PLCE1: variants seen among roughly 807,000 people sequenced by gnomAD.
PLCE1 encodes 1-phosphatidylinositol 4,5-bisphosphate phosphodiesterase epsilon-1.
In PLCE1, 119 loss-of-function variants were observed where a neutral mutation model predicts 242.8. The ratio of observed to expected loss-of-function variants is 0.49; its 90% CI spans 0.42 to 0.57. PLCE1 has a LOEUF of 0.57. Ranked by LOEUF, PLCE1 falls within the 20% of genes least tolerant of loss-of-function variation. The pLI, the probability that PLCE1 is intolerant of heterozygous loss-of-function variation, is 0.00. For synonymous variants in PLCE1, 945 were observed against 1,017.4 expected (o/e 0.93, Z 1.35); for missense variants, 2,441 against 2,788.8 (o/e 0.88, Z 2.81).
At chr10:94,302,615 C>T (rs2133589642) in intron 24 of PLCE1, among the ~76,000 whole-genome samples, 1 of 152,246 alleles carries the variant, frequency 6.6e-6, no homozygotes, top group South Asian at 2.1e-4. Flanking sequence ...CATTATATGG[C>T]TCAGTAGTTA....
In PLCE1 at chr10:94,329,797, A is replaced by AAC. The variant is rs2054136539; in HGVS notation, c.*1855_*1856insCA. 2 of 150,376 alleles carry AAC rather than the reference A, an allele frequency of 1.3e-5. No individual in the cohort carries two copies. The highest frequency in any genetic ancestry group is 4.9e-5 in the African/African-American group (2 of 41,018). 9.3% of individuals were successfully genotyped at this position (150,376 alleles called of 1,614,324 possible). A position where few individuals can be genotyped will look rare whatever the true frequency, so the allele number is the denominator to read the frequency against. ...GTCTCAAAAAAAAAAAAAAAAAAAA[A>AAC]AAAAAAAAAAAAAACACCATACAGC... On this transcript the variant is annotated 3_prime_UTR_variant, in exon 33 of 33. Transcript: ENST00000371380.
At chr10:94,162,190 T>C (rs533349703) in intron 3 of PLCE1, among the ~76,000 whole-genome samples, 1 of 152,358 alleles carries the variant, frequency 6.6e-6, no homozygotes, top group African/African-American at 2.4e-5. Context: ...TAGGGAGGAT[T>C]CCCTCTTTTC....
chr10:94,243,155 G>A (rs2050564761), intron 7 of PLCE1, among the ~76,000 whole-genome samples: 1 of 152,198 alleles, frequency 6.6e-6, no homozygotes, highest in Non-Finnish European at 1.5e-5. Flanking sequence ...TCACCAGAGA[G>A]AAGTCATGTT....
At chr10:94,009,759 C>T (rs1287954459) in intron 1 of PLCE1, among the ~76,000 whole-genome samples, 1 of 152,240 alleles carries the variant, frequency 6.6e-6, no homozygotes, top group Non-Finnish European at 1.5e-5. Context: ...AACCTTAAAG[C>T]TCCAATATAA....
chr10:94,175,930 A>C (rs2048113021), intron 4 of PLCE1, among the ~76,000 whole-genome samples: 1 of 152,194 alleles, frequency 6.6e-6, no homozygotes. Context: ...TGAATTATAT[A>C]TATGTGCTAC....
intron 1 of PLCE1, among the ~76,000 whole-genome samples, chr10:94,012,350 G>A (rs552265625): frequency 1.3e-5 from 2 of 152,048 alleles, no homozygotes; most frequent in Non-Finnish European, 2.9e-5. Context: ...AGCCAACAGG[G>A]CAAGTCAAGC....
At position 94,031,841 on chromosome 10, in the gene PLCE1, C is replaced by T; in HGVS notation, c.795C>T (p.Cys265=). Residue 265 remains cysteine (C), a synonymous_variant, in exon 2 of 33, where the codon TGC becomes TGT. Coordinates refer to ENST00000371380, the MANE Select transcript of PLCE1 (RefSeq NM_016341.4). ...HCDTLNDKYF[C]FEGSCEKVDM... is the part of the protein sequence containing the mutation. ...ACACCTTGAATGATAAATACTTTTG[C>T]TTTGAAGGCTCTTGTGAGAAGGTTG... 6.2e-7 allele frequency: 1 copy of T among 1,613,766 alleles called. No individual in the cohort carries two copies. The highest frequency in any genetic ancestry group is 1.1e-5 in the South Asian group (1 of 91,072).
chr10:94,164,708 C>T (rs1342016712), intron 3 of PLCE1, among the ~76,000 whole-genome samples: 2 of 152,230 alleles, frequency 1.3e-5, no homozygotes, highest in Admixed American at 6.5e-5. Context: ...GGAGGAGAGG[C>T]ACTCTGAATT....
At chr10:94,065,190 G>A (rs59992236) in intron 2 of PLCE1, among the ~76,000 whole-genome samples, 5,195 of 152,128 alleles carry the variant, frequency 0.034, 284 homozygotes, top group African/African-American at 0.11. Flanking sequence ...CCTGGATTCT[G>A]GACCTTTGTC....
At position 94,234,155 on chromosome 10, in the gene PLCE1, A is replaced by G; in HGVS notation, c.2057A>G (p.Glu686Gly). 6.2e-7 allele frequency: 1 copy of G among 1,614,132 alleles called. No homozygotes were observed. Among genetic ancestry groups the G allele is most frequent in the African/African-American group, 1.3e-5 (1 of 75,058 alleles). ...ATGGCCCAGCATGAGTCCTCTTGTG[A>G]GTACAGAAAGGTGGTGACACGTGCC... Reference protein sequence around the residue: ...DAMAQHESSCEYRKVVTRALH... With the variant: ...DAMAQHESSCGYRKVVTRALH... Residue 686 changes from glutamate to glycine, a missense_variant, in exon 6 of 33, where the codon GAG becomes GGG. Around this residue, in one of 5 missense-constraint regions of PLCE1, gnomAD observed 733 missense variants for 754.2 expected, o/e 0.97. Coordinates refer to ENST00000371380, the MANE Select transcript of PLCE1 (RefSeq NM_016341.4).
intron 13 of PLCE1, 113 bp downstream of exon 13, chr10:94,259,263 G>A: frequency 1.9e-6 from 2 of 1,060,560 alleles, no homozygotes; most frequent in Non-Finnish European, 2.9e-6. Flanking sequence ...TATTACTGCT[G>A]TGTAGGGAAA....
intron 2 of PLCE1, among the ~76,000 whole-genome samples, chr10:94,090,540 AGGTGC>A (rs1305290601): frequency 1.3e-5 from 2 of 152,150 alleles, no homozygotes; most frequent in African/African-American, 2.4e-5. Flanking sequence ...TCCTTATGGA[AGGTGC>A]GGGGTGTCTT....
At chr10:94,067,215 A>C (rs2044222843) in intron 2 of PLCE1, among the ~76,000 whole-genome samples, 1 of 152,182 alleles carries the variant, frequency 6.6e-6, no homozygotes, top group African/African-American at 2.4e-5. Flanking sequence ...TGACCCGGAC[A>C]ACCATGAGAC....
At chr10:94,066,452 G>A (rs559889206) in intron 2 of PLCE1, among the ~76,000 whole-genome samples, 2 of 152,198 alleles carry the variant, frequency 1.3e-5, no homozygotes, top group African/African-American at 4.8e-5. Flanking sequence ...AGTGTTATGG[G>A]GCTTGGAGCA....
intron 1 of PLCE1, among the ~76,000 whole-genome samples, chr10:94,020,496 C>G (rs765756278): frequency 6.6e-6 from 1 of 151,964 alleles, no homozygotes; most frequent in African/African-American, 2.4e-5. Context: ...TTCAATTTAC[C>G]ATTTTTTTAT....
intron 4 of PLCE1, among the ~76,000 whole-genome samples, chr10:94,184,291 C>A (rs79074340): frequency 0.033 from 5,060 of 152,260 alleles, 261 homozygotes; most frequent in African/African-American, 0.099. Context: ...CAAGACCCTG[C>A]ATGGTTTTGC....
At chr10:94,073,850 G>A (rs1439252832) in intron 2 of PLCE1, among the ~76,000 whole-genome samples, 4 of 152,176 alleles carry the variant, frequency 2.6e-5, no homozygotes, top group African/African-American at 9.6e-5. Context: ...GGGAGATGAG[G>A]TTTCAAATCC....
chr10:94,260,794 G>A (rs1191091572), intron 13 of PLCE1, among the ~76,000 whole-genome samples: 1 of 152,054 alleles, frequency 6.6e-6, no homozygotes, highest in Admixed American at 6.5e-5. Context: ...TTCCCAAAGT[G>A]CAGGGATCTT....
chr10:94,073,719 T>C (rs1457622725), intron 2 of PLCE1, among the ~76,000 whole-genome samples: 2 of 152,190 alleles, frequency 1.3e-5, no homozygotes, highest in Non-Finnish European at 2.9e-5. Flanking sequence ...TTCATGAATT[T>C]GTTACCAAAA....
Sources: gnomAD v4.1 joint callset for allele counts (sites outside exome capture counted in the v4.1 genomes callset) on GRCh38, gnomAD v4.1.1 for gene constraint, gnomAD v4.1.1 regional missense constraint, MANE v1.5 for transcripts, NCBI Gene and HGNC (gene_info 2026-07-23, HGNC 2026-07-21) for gene names.